The following FBXO16 variants were observed in gnomAD, a reference collection of about 807,000 sequenced individuals.
FBXO16 encodes F-box only protein 16.
FBXO16 carries 31 observed loss-of-function variants against 41.0 expected under a neutral mutation model. That is an observed-to-expected ratio of 0.76 (90% CI 0.57 to 1.02). The LOEUF is 1.02. Among genes scored for constraint, FBXO16 ranks in the 50% least tolerant of loss-of-function variants. FBXO16 has a pLI of 0.00. For missense variants in FBXO16, 361 were observed against 346.2 expected (o/e 1.04, Z -0.34); for synonymous variants, 133 against 117.8 (o/e 1.13, Z -0.84).
intron 3 of FBXO16, among the ~76,000 whole-genome samples, chr8:28,466,112 GC>G (rs1355861380): frequency 1.3e-5 from 2 of 152,110 alleles, no homozygotes; most frequent in South Asian, 2.1e-4. Context: ...GGTGGTACAT[GC>G]CTGTAATTCC....
intron 4 of FBXO16, among the ~76,000 whole-genome samples, chr8:28,460,779 G>C (rs986960709): frequency 1.3e-5 from 2 of 152,038 alleles, no homozygotes; most frequent in East Asian, 3.9e-4. Context: ...TATGTTCCCA[G>C]GCTAGAGTAC....
intron 6 of FBXO16, among the ~76,000 whole-genome samples, chr8:28,451,137 TAAAC>T (rs531115372): frequency 2.7e-4 from 41 of 152,196 alleles, no homozygotes; most frequent in African/African-American, 9.9e-4. Flanking sequence ...AATATTTTAA[TAAAC>T]AACAAAGGAG....
intron 7 of FBXO16, among the ~76,000 whole-genome samples, chr8:28,434,935 G>C (rs6558058): frequency 1.3e-5 from 2 of 152,126 alleles, no homozygotes; most frequent in Non-Finnish European, 2.9e-5. Flanking sequence ...CCCAGAGGGG[G>C]TGTCAGTGTG....
intron 1 of FBXO16, among the ~76,000 whole-genome samples, chr8:28,485,074 G>C (rs767145638): frequency 1.1e-4 from 16 of 152,162 alleles, no homozygotes; most frequent in Non-Finnish European, 2.2e-4. Context: ...CTCTGTGATG[G>C]TGGGTTTCAC....
chr8:28,452,728 AAGGCGG>A (rs1802975584), intron 5 of FBXO16, among the ~76,000 whole-genome samples: 1 of 151,908 alleles, frequency 6.6e-6, no homozygotes, highest in Non-Finnish European at 1.5e-5. Context: ...TTAAACCTGG[AAGGCGG>A]AGGTTGCAGT....
chr8:28,452,142 T>G, intron 6 of FBXO16, 102 bp downstream of exon 6: 1 of 1,153,552 alleles, frequency 8.7e-7, no homozygotes, highest in Non-Finnish European at 1.2e-6. Context: ...TGAAAAGCTT[T>G]TGTATTTCAC....
At chr8:28,461,561 T>C (rs1226795718) in intron 4 of FBXO16, among the ~76,000 whole-genome samples, 2 of 151,866 alleles carry the variant, frequency 1.3e-5, no homozygotes, top group East Asian at 3.9e-4. Context: ...TTGGTCTTTT[T>C]TTTTTCTTAA....
Position 28,438,968 on chromosome 8 carries a change from C to G in FBXO16, c.843+8203G>C, listed in dbSNP as rs139830430. Among the ~76,000 whole-genome samples the G allele has an allele frequency of 7.1e-3, 1,082 of 151,768 alleles. 18 individuals carry two copies. The highest frequency in any genetic ancestry group is 0.024 in the African/African-American group (1,002 of 41,352). On this transcript the variant is annotated intron_variant, in intron 7 of 8. Transcript: ENST00000380254. ...TACAAAAATCAGCCGGGCGTGGTGGCAAGTGCCTGTAATCCAAGCTACTTG... is the reference window on the plus strand; with the variant it reads ...TACAAAAATCAGCCGGGCGTGGTGGGAAGTGCCTGTAATCCAAGCTACTTG...
At chr8:28,435,221 A>G (rs1319957525) in intron 7 of FBXO16, among the ~76,000 whole-genome samples, 2 of 147,222 alleles carry the variant, frequency 1.4e-5, no homozygotes, top group Admixed American at 1.4e-4. Context: ...CCCAGGCTGG[A>G]GTGCAATGGT....
intron 7 of FBXO16, among the ~76,000 whole-genome samples, chr8:28,434,340 T>C (rs547482753): frequency 5.9e-5 from 9 of 152,320 alleles, no homozygotes; most frequent in African/African-American, 2.2e-4. Context: ...AACAACACCA[T>C]TGGATCAACC....
At chr8:28,462,575 G>C (rs1803154566) in intron 4 of FBXO16, among the ~76,000 whole-genome samples, 1 of 152,134 alleles carries the variant, frequency 6.6e-6, no homozygotes. Flanking sequence ...ACCGCGCCCG[G>C]CCCCGCATTC....
At chr8:28,473,211 T>C (rs1803365114) in intron 3 of FBXO16, among the ~76,000 whole-genome samples, 1 of 152,216 alleles carries the variant, frequency 6.6e-6, no homozygotes, top group Non-Finnish European at 1.5e-5. Flanking sequence ...TAAAATAAGA[T>C]ACGACTTCTG....
In FBXO16 at chr8:28,463,815, C is replaced by A; in HGVS notation, c.139G>T (p.Asp47Tyr). 1.2e-6 allele frequency: 2 copies of A among 1,613,216 alleles called. No individual in the cohort carries two copies. Among genetic ancestry groups the A allele is most frequent in the South Asian group, 2.2e-5 (2 of 91,020 alleles). Residue 47 changes from aspartate to tyrosine, a missense_variant, in exon 4 of 9, where the codon GAC (aspartate) becomes TAC (tyrosine). Physicochemically the swap from Asp to Tyr is radical, Grantham distance 160. Transcript: ENST00000380254. ...CTTCTTTGAGAGTCTGTCCATTTGT[C>A]AAACTGGAAACACAAAACAAAGCAA... ...ERRALLGKWF[D>Y]KWTDSQRRRI...
intron 6 of FBXO16, among the ~76,000 whole-genome samples, chr8:28,451,380 GTTT>G (rs67171132): frequency 7.2e-6 from 1 of 138,694 alleles, no homozygotes. Context: ...CTTTGTTGTT[GTTT>G]TTTTTTTTTT....
intron 7 of FBXO16, among the ~76,000 whole-genome samples, chr8:28,437,873 T>TA (rs1430787834): frequency 2.0e-5 from 3 of 151,600 alleles, no homozygotes; most frequent in Non-Finnish European, 4.4e-5. Flanking sequence ...ACTCTGTCTC[T>TA]AAAAAAAGAA....
At chr8:28,441,910 A>ATGTGTGTGTG (rs1175392833) in intron 7 of FBXO16, among the ~76,000 whole-genome samples, 92 of 107,880 alleles carry the variant, frequency 8.5e-4, no homozygotes, top group African/African-American at 4.2e-3. Context: ...GTATATATAT[A>ATGTGTGTGTG]TGTGTGTGTG....
chr8:28,452,430 G>GT lies in FBXO16; in HGVS notation c.553dup (p.Thr185AsnfsTer26). 6.2e-7 allele frequency: 1 copy of GT among 1,614,196 alleles called. No individual in the cohort carries two copies. Among genetic ancestry groups the GT allele is most frequent in the Non-Finnish European group, 8.5e-7 (1 of 1,180,034 alleles). On this transcript the variant is annotated frameshift_variant, in exon 6 of 9. Coordinates refer to ENST00000380254, the MANE Select transcript of FBXO16 (RefSeq NM_172366.4). LOFTEE classifies it high-confidence loss of function. The stretch of plus-strand genomic sequence containing the variant: ...CTGTTTTTCCTCTGGAGAATTGCTT[G>GT]TAACTAGTTGAACGTCAGCGATTAC...
intron 6 of FBXO16, among the ~76,000 whole-genome samples, chr8:28,448,340 C>CAAAAA (rs56323338): frequency 6.2e-3 from 304 of 49,314 alleles, no homozygotes; most frequent in African/African-American, 9.4e-3. Context: ...GACCCTAAAT[C>CAAAAA]AAAAAAAAAA....
intron 7 of FBXO16, among the ~76,000 whole-genome samples, chr8:28,434,224 G>A (rs1802653564): frequency 6.6e-6 from 1 of 152,198 alleles, no homozygotes; most frequent in African/African-American, 2.4e-5. Flanking sequence ...GCCTCCCAAA[G>A]TGCTGGGATT....
Sources: gnomAD v4.1 joint callset for allele counts (sites outside exome capture counted in the v4.1 genomes callset) on GRCh38, gnomAD v4.1.1 for gene constraint, MANE v1.5 for transcripts, NCBI Gene and HGNC (gene_info 2026-07-23, HGNC 2026-07-21) for gene names.